Variants in PLEKHA7 observed in about 807,000 individuals in gnomAD.
PLEKHA7 encodes pleckstrin homology domain-containing family A member 7.
PLEKHA7 carries 104 observed loss-of-function variants against 170.0 expected under a neutral mutation model. The ratio of observed to expected loss-of-function variants is 0.61; its 90% confidence interval spans 0.52 to 0.72. The LOEUF is 0.72. Among genes scored for constraint, PLEKHA7 ranks in the 30% least tolerant of loss-of-function variants. The probability of loss-of-function intolerance (pLI) is 0.00; values close to 1 mark genes in which losing one functional copy is unlikely to be tolerated. For missense variants in PLEKHA7, 1,615 were observed against 1,671.7 expected (o/e 0.97, Z 0.59); for synonymous variants, 648 against 660.8 (o/e 0.98, Z 0.30).
intron 3 of PLEKHA7, among the ~76,000 whole-genome samples, chr11:16,907,227 A>G (rs186809642): frequency 0.15 from 8,134 of 55,276 alleles, 3 homozygotes; most frequent in African/African-American, 0.34. Flanking sequence ...TCATCCCCCC[A>G]CCTGGCCAGC....
chr11:16,902,226 A>G (rs1476836450), intron 3 of PLEKHA7, among the ~76,000 whole-genome samples: 2 of 152,152 alleles, frequency 1.3e-5, no homozygotes, highest in African/African-American at 4.8e-5. Context: ...GACACACCAC[A>G]TTTTATTTAT....
chr11:16,826,543 G>C lies in PLEKHA7; in HGVS notation c.920C>G (p.Thr307Arg), dbSNP rs377065434. ...ERQAVPQANH[T>R]ESCHECGRVG... Reference sequence around the variant, plus strand: ...CCGGCCACATTCGTGACAGGACTCTGTGTGGTTGGCCTGGGGGACAGCCTG... The same window carrying C: ...CCGGCCACATTCGTGACAGGACTCTCTGTGGTTGGCCTGGGGGACAGCCTG... The change falls in exon 10 of 27, where the codon ACA becomes AGA. Residue 307 changes from threonine to arginine, a missense_variant. Coordinates refer to ENST00000531066, the MANE Select transcript of PLEKHA7 (RefSeq NM_001329630.2). The C allele has an allele frequency of 6.2e-7, 1 of 1,614,122 alleles. No individual in the cohort carries two copies. Among genetic ancestry groups the C allele is most frequent in the South Asian group, 1.1e-5 (1 of 91,082 alleles).
intron 4 of PLEKHA7, among the ~76,000 whole-genome samples, chr11:16,870,866 A>G (rs1292767167): frequency 6.6e-6 from 1 of 152,148 alleles, no homozygotes; most frequent in Non-Finnish European, 1.5e-5. Flanking sequence ...AGGCTCTGAC[A>G]ATACCCATCA....
intron 4 of PLEKHA7, among the ~76,000 whole-genome samples, chr11:16,861,616 T>C (rs1306425307): frequency 6.6e-6 from 1 of 152,122 alleles, no homozygotes; most frequent in Non-Finnish European, 1.5e-5. Flanking sequence ...GTCACTTCAC[T>C]CCAGCCTTGG....
intron 3 of PLEKHA7, among the ~76,000 whole-genome samples, chr11:16,962,595 G>A (rs1862131462): frequency 6.6e-6 from 1 of 152,124 alleles, no homozygotes; most frequent in African/African-American, 2.4e-5. Context: ...TGAGTGGCTG[G>A]GACTACAGGT....
At chr11:16,923,580 G>A (rs553449218) in intron 3 of PLEKHA7, among the ~76,000 whole-genome samples, 2 of 152,174 alleles carry the variant, frequency 1.3e-5, no homozygotes, top group African/African-American at 4.8e-5. Context: ...AGAGGCAGGC[G>A]AACTCAGCAA....
intron 10 of PLEKHA7, among the ~76,000 whole-genome samples, chr11:16,824,808 G>C (rs1223665031): frequency 6.6e-6 from 1 of 152,078 alleles, no homozygotes. Flanking sequence ...GGAGTATGAG[G>C]ACCTACATTA....
chr11:16,983,502 C>T (rs1007024861), intron 3 of PLEKHA7, among the ~76,000 whole-genome samples: 1 of 152,046 alleles, frequency 6.6e-6, no homozygotes, highest in African/African-American at 2.4e-5. Context: ...CAGCTGTAGC[C>T]CCTCCTGGGA....
chr11:16,866,708 C>T (rs1254757157), intron 4 of PLEKHA7, among the ~76,000 whole-genome samples: 1 of 152,206 alleles, frequency 6.6e-6, no homozygotes, highest in Non-Finnish European at 1.5e-5. Flanking sequence ...TTTGTTGTTA[C>T]TACAGCAGAC....
At position 16,899,322 on chromosome 11, in the gene PLEKHA7, C is replaced by A. The variant is rs1857183636; in HGVS notation, c.222-28140G>T. Among the ~76,000 whole-genome samples, 3 of 152,168 alleles carry A rather than the reference C, an allele frequency of 2.0e-5. No individual in the cohort carries two copies. The East Asian group carries it at 5.8e-4, about 29-fold the overall frequency. The stretch of plus-strand genomic sequence containing the variant: ...GACCAGCCTGACCTACATGGAGAAA[C>A]CCCCGTCTCTACTAAAAATACAAAA... On this transcript the variant is annotated intron_variant, in intron 3 of 26. Transcript: ENST00000531066.
At chr11:16,941,014 G>C (rs907938271) in intron 3 of PLEKHA7, among the ~76,000 whole-genome samples, 8 of 152,158 alleles carry the variant, frequency 5.3e-5, no homozygotes, top group Non-Finnish European at 1.0e-4. Flanking sequence ...GATGTGGCAT[G>C]TCTTTCTCCA....
At chr11:16,977,926 T>C (rs1863173779) in intron 3 of PLEKHA7, among the ~76,000 whole-genome samples, 1 of 151,986 alleles carries the variant, frequency 6.6e-6, no homozygotes, top group Admixed American at 6.6e-5. Context: ...CAAGACAACA[T>C]CAGGGGCCCA....
intron 3 of PLEKHA7, among the ~76,000 whole-genome samples, chr11:16,942,312 C>G (rs1256505296): frequency 6.6e-6 from 1 of 152,206 alleles, no homozygotes; most frequent in Non-Finnish European, 1.5e-5. Context: ...ATGTCAACAG[C>G]TAATGGCTGG....
intron 4 of PLEKHA7, among the ~76,000 whole-genome samples, chr11:16,863,853 G>GA (rs1854175955): frequency 7.9e-6 from 1 of 126,770 alleles, no homozygotes; most frequent in Admixed American, 8.3e-5. Flanking sequence ...AAGTCACTGA[G>GA]AATCAGGAAA....
intron 9 of PLEKHA7, among the ~76,000 whole-genome samples, chr11:16,826,929 C>A (rs1005991196): frequency 1.3e-5 from 2 of 152,204 alleles, no homozygotes; most frequent in African/African-American, 4.8e-5. Context: ...GCCCACCTGG[C>A]TGATCATCAT....
intron 10 of PLEKHA7, among the ~76,000 whole-genome samples, chr11:16,818,791 C>T (rs1054344335): frequency 8.1e-5 from 12 of 148,650 alleles, no homozygotes; most frequent in Non-Finnish European, 4.5e-5. Flanking sequence ...TATTTTCTTT[C>T]TTTTTTTTTT....
chr11:16,797,568 C>T (rs1465700400), intron 17 of PLEKHA7, among the ~76,000 whole-genome samples: 1 of 152,198 alleles, frequency 6.6e-6, no homozygotes, highest in Non-Finnish European at 1.5e-5. Context: ...CAAGGTGGGG[C>T]TCACAGTTCT....
intron 24 of PLEKHA7, among the ~76,000 whole-genome samples, chr11:16,785,074 A>G (rs746960431): frequency 6.6e-6 from 1 of 152,144 alleles, no homozygotes; most frequent in Non-Finnish European, 1.5e-5. Context: ...CCAAAACTCA[A>G]CAACTGTACA....
At chr11:16,949,096 C>G (rs751141859) in intron 3 of PLEKHA7, among the ~76,000 whole-genome samples, 19 of 152,156 alleles carry the variant, frequency 1.2e-4, no homozygotes, top group Non-Finnish European at 2.6e-4. Context: ...ACTCCATCCC[C>G]CAGAAAGCTG....
Sources: allele counts gnomAD v4.1 joint callset (sites outside exome capture counted in the v4.1 genomes callset), GRCh38; gene constraint gnomAD v4.1.1; transcripts MANE v1.5; gene names NCBI Gene and HGNC (gene_info 2026-07-23, HGNC 2026-07-21).